Variants in DPP6 observed in about 807,000 individuals in gnomAD.
The protein encoded by DPP6 is A-type potassium channel modulatory protein DPP6.
A neutral mutation model predicts 122.6 loss-of-function variants in DPP6; 69 were observed. The observed-to-expected ratio is 0.56, with a 90% confidence interval of 0.46 to 0.69. The LOEUF (loss-of-function observed/expected upper bound fraction) is 0.69, where lower values mean the gene tolerates loss of function less well. DPP6 is among the 30% of genes least tolerant of loss of function. The pLI is 0.00. For missense variants in DPP6, 928 were observed against 1,116.9 expected, an observed-to-expected ratio of 0.83 and a Z score of 2.41; for synonymous variants, 418 against 433.1, an observed-to-expected ratio of 0.97 and a Z score of 0.43.
intron 1 of DPP6, among the ~76,000 whole-genome samples, chr7:154,397,061 T>G (rs2151177590): frequency 6.6e-6 from 1 of 151,854 alleles, no homozygotes; most frequent in Admixed American, 6.6e-5. Flanking sequence ...AATAGATTAT[T>G]TTAAATAATC....
intron 5 of DPP6, among the ~76,000 whole-genome samples, chr7:154,592,771 G>A (rs1230197493): frequency 6.6e-6 from 1 of 152,174 alleles, no homozygotes; most frequent in Non-Finnish European, 1.5e-5. Flanking sequence ...CAAACGGAGT[G>A]ATGTTTGAAC....
intron 9 of DPP6, among the ~76,000 whole-genome samples, chr7:154,772,209 T>C (rs1006647905): frequency 6.6e-6 from 1 of 152,200 alleles, no homozygotes; most frequent in African/African-American, 2.4e-5. Context: ...CACCCACTCC[T>C]AAATCAGAGG....
At chr7:154,805,928 T>C (rs557601665) in intron 15 of DPP6, among the ~76,000 whole-genome samples, 18 of 152,352 alleles carry the variant, frequency 1.2e-4, no homozygotes, top group Admixed American at 4.6e-4. Context: ...GACCTGAGGC[T>C]TGAGGCCAGT....
chr7:154,527,887 C>T (rs545175906), intron 3 of DPP6, among the ~76,000 whole-genome samples: 2 of 151,670 alleles, frequency 1.3e-5, no homozygotes, highest in South Asian at 2.1e-4. Flanking sequence ...AAGTAAACAA[C>T]ATATAAAATC....
the DPP6 span, among the ~76,000 whole-genome samples, chr7:153,775,645 C>T: frequency 6.6e-6 from 1 of 152,066 alleles, no homozygotes; most frequent in Non-Finnish European, 1.5e-5. Context: ...AAAACTGCCT[C>T]TATCTGCAGA....
At chr7:154,532,598 A>G (rs76457120) in intron 3 of DPP6, among the ~76,000 whole-genome samples, 7,522 of 152,176 alleles carry the variant, frequency 0.049, 325 homozygotes, top group African/African-American at 0.12. Context: ...TGGTCAAGAA[A>G]AAAAGAAGAC....
At chr7:154,637,703 G>T in intron 5 of DPP6, 118 bp from the exon 6 acceptor site, 1 of 982,066 alleles carries the variant, frequency 1.0e-6, no homozygotes. Context: ...GTCTCCAGGT[G>T]TTGGGATTAG....
At chr7:154,060,347 C>G (rs375488507) in intron 1 of DPP6, among the ~76,000 whole-genome samples, 2 of 122,454 alleles carry the variant, frequency 1.6e-5, no homozygotes, top group Non-Finnish European at 3.6e-5. Flanking sequence ...GCACCCCCCG[C>G]GAGGCAGGGA....
intron 8 of DPP6, 86 bp from the exon 9 acceptor site, chr7:154,769,331 C>T: frequency 6.4e-7 from 1 of 1,574,328 alleles, no homozygotes; most frequent in Non-Finnish European, 8.7e-7. Context: ...TCGTTTCTTT[C>T]CTGGCCACCT....
chr7:154,401,836 G>A (rs1027068565), intron 1 of DPP6, among the ~76,000 whole-genome samples: 5 of 152,040 alleles, frequency 3.3e-5, no homozygotes, highest in Admixed American at 1.3e-4. Flanking sequence ...GAAAATTTTC[G>A]CAGCCTACTC....
chr7:154,727,836 A>C lies in DPP6; in HGVS notation c.832A>C (p.Thr278Pro), dbSNP rs549158673. Reference protein sequence around the residue: ...VGKQAIRVVSTGKEGVIYNGL... With the variant: ...VGKQAIRVVSPGKEGVIYNGL... ...GAAACAGGCCATCCGTGTGGTCTCC[A>C]CTGGCAAGGAAGGTGTGATTTACAA... The change falls in exon 8 of 26, where the codon ACT (threonine) becomes CCT (proline). Residue 278 changes from threonine to proline, a missense_variant. By Grantham distance (38) the Thr-to-Pro change is conservative. Transcript: ENST00000377770. 6.2e-7 allele frequency: 1 copy of C among 1,613,968 alleles called. No individual in the cohort carries two copies. Among genetic ancestry groups the C allele is most frequent in the African/African-American group, 1.3e-5 (1 of 75,054 alleles).
chr7:154,236,408 C>G (rs1353994358), intron 1 of DPP6, among the ~76,000 whole-genome samples: 1 of 152,106 alleles, frequency 6.6e-6, no homozygotes, highest in East Asian at 1.9e-4. Context: ...CCTAAATGGC[C>G]AGAAAGCTCA....
chr7:153,916,234 A>G (rs1374389470), intron 1 of DPP6, among the ~76,000 whole-genome samples: 3 of 151,886 alleles, frequency 2.0e-5, no homozygotes, highest in African/African-American at 7.3e-5. Flanking sequence ...TGGCCTCACA[A>G]AGTGCTGGGA....
At chr7:154,110,998 C>T (rs1806529620) in intron 1 of DPP6, among the ~76,000 whole-genome samples, 1 of 152,060 alleles carries the variant, frequency 6.6e-6, no homozygotes, top group Non-Finnish European at 1.5e-5. Flanking sequence ...AGAGAAAGAC[C>T]TGAATGTATC....
chr7:154,170,385 C>T (rs940057195), intron 1 of DPP6, among the ~76,000 whole-genome samples: 3 of 152,210 alleles, frequency 2.0e-5, no homozygotes, highest in African/African-American at 7.2e-5. Flanking sequence ...TCTCCACCTG[C>T]ACCTTGGACA....
chr7:154,470,444 G>A (rs974997711), intron 2 of DPP6, among the ~76,000 whole-genome samples: 16 of 152,316 alleles, frequency 1.1e-4, no homozygotes, highest in African/African-American at 3.9e-4. Flanking sequence ...TTACCAAGCT[G>A]AGTTTGTCAG....
intron 1 of DPP6, among the ~76,000 whole-genome samples, chr7:154,231,441 A>T (rs535540871): frequency 6.6e-6 from 1 of 152,200 alleles, no homozygotes; most frequent in African/African-American, 2.4e-5. Flanking sequence ...TCAGTGCATC[A>T]GGCAGTATGA....
intron 8 of DPP6, 41 bp downstream of exon 8, chr7:154,727,928 G>T (rs1461994733): frequency 1.3e-6 from 2 of 1,551,282 alleles, no homozygotes; most frequent in Admixed American, 1.9e-5. Flanking sequence ...ATTTGTGGTT[G>T]CTGCTGCTGC....
At chr7:154,112,425 A>G (rs1410905937) in intron 1 of DPP6, among the ~76,000 whole-genome samples, 1 of 152,078 alleles carries the variant, frequency 6.6e-6, no homozygotes, top group Non-Finnish European at 1.5e-5. Flanking sequence ...CGGGTGGATC[A>G]TTTGAGGCCA....
Sources: gnomAD v4.1 joint callset for allele counts (sites outside exome capture counted in the v4.1 genomes callset) on GRCh38, gnomAD v4.1.1 for gene constraint, MANE v1.5 for transcripts, NCBI Gene and HGNC (gene_info 2026-07-23, HGNC 2026-07-21) for gene names.